The following RHPN2 variants were observed in gnomAD, a reference collection of about 807,000 sequenced individuals.
RHPN2 encodes the protein rhophilin Rho GTPase binding protein 2.
In RHPN2, 40 loss-of-function variants were observed where a neutral mutation model predicts 79.0. The ratio of observed to expected loss-of-function variants is 0.51; its 90% CI spans 0.39 to 0.66. The LOEUF is 0.66. Ranked by LOEUF, RHPN2 falls within the 30% of genes least tolerant of loss-of-function variation. The pLI is 0.00. For missense variants in RHPN2, 686 were observed against 883.5 expected (o/e 0.78, Z 2.83); for synonymous variants, 285 against 363.5 (o/e 0.78, Z 2.46).
At chr19:33,010,385 GTTT>G (rs34076809) in intron 6 of RHPN2, among the ~76,000 whole-genome samples, 2 of 140,574 alleles carry the variant, frequency 1.4e-5, no homozygotes, top group Non-Finnish European at 3.1e-5. Context: ...TTTTTAGGTT[GTTT>G]TTTTTTTTTT....
At chr19:33,011,640 A>G (rs769765519) in intron 6 of RHPN2, 39 bp downstream of exon 6, 3 of 1,613,654 alleles carry the variant, frequency 1.9e-6, no homozygotes, top group Non-Finnish European at 2.5e-6. Context: ...TGTGGCTGCC[A>G]TAACACGTGA....
intron 6 of RHPN2, among the ~76,000 whole-genome samples, chr19:33,010,842 C>G (rs1971829916): frequency 6.6e-6 from 1 of 152,016 alleles, no homozygotes; most frequent in African/African-American, 2.4e-5. Flanking sequence ...ACCATCATAC[C>G]CAGCAAATTT....
At chr19:33,046,857 C>T (rs1424182901) in intron 1 of RHPN2, among the ~76,000 whole-genome samples, 1 of 150,630 alleles carries the variant, frequency 6.6e-6, no homozygotes, top group African/African-American at 2.5e-5. Context: ...AGATCCTTTG[C>T]CCATTTTTTT....
At position 32,979,913 on chromosome 19, in the gene RHPN2, G is replaced by A. The variant is rs1971559283; in HGVS notation, c.*83C>T. On this transcript the variant is annotated 3_prime_UTR_variant, in exon 15 of 15. Coordinates refer to ENST00000254260, the MANE Select transcript of RHPN2 (RefSeq NM_033103.5). ...AACAGGATTTGAGAACAGATAGATAGATATTTTCCATTATGGCACAAACGT... is the reference window on the plus strand; with the variant it reads ...AACAGGATTTGAGAACAGATAGATAAATATTTTCCATTATGGCACAAACGT... 2 of 1,483,356 alleles carry A rather than the reference G, an allele frequency of 1.3e-6. No homozygotes were observed. The highest frequency in any genetic ancestry group is 1.4e-5 in the African/African-American group (1 of 72,018). 91.9% of individuals were successfully genotyped at this position (1,483,356 alleles called of 1,614,324 possible).
At chr19:33,012,041 T>TA (rs1263375129) in intron 5 of RHPN2, among the ~76,000 whole-genome samples, 1 of 146,998 alleles carries the variant, frequency 6.8e-6, no homozygotes, top group Admixed American at 6.8e-5. Context: ...TTTCCTTCTT[T>TA]TTTTTTTTTT....
chr19:32,990,167 G>GAA (rs1491437447), intron 14 of RHPN2, among the ~76,000 whole-genome samples: 7,686 of 144,804 alleles, frequency 0.053, 323 homozygotes, highest in African/African-American at 0.093. Context: ...GAAAGAAAGA[G>GAA]CGAGCCAGGG....
At chr19:33,050,721 C>T (rs1013739866) in intron 1 of RHPN2, among the ~76,000 whole-genome samples, 4 of 152,108 alleles carry the variant, frequency 2.6e-5, no homozygotes, top group Admixed American at 1.3e-4. Context: ...TCTTGTTGCC[C>T]GGGCTGGAGC....
intron 8 of RHPN2, among the ~76,000 whole-genome samples, 195 bp from the exon 9 acceptor site, chr19:33,002,598 A>G (rs1971758689): frequency 1.3e-5 from 2 of 152,166 alleles, no homozygotes; most frequent in South Asian, 4.1e-4. Context: ...TGCTGTCATT[A>G]TGCTGGTTTT....
chr19:33,058,914 T>C (rs1311811819), intron 1 of RHPN2, among the ~76,000 whole-genome samples: 1 of 152,020 alleles, frequency 6.6e-6, no homozygotes, highest in Non-Finnish European at 1.5e-5. Flanking sequence ...CTGACCAACA[T>C]GGTGAAACCC....
At chr19:33,047,699 T>G (rs906080794) in intron 1 of RHPN2, among the ~76,000 whole-genome samples, 5 of 152,140 alleles carry the variant, frequency 3.3e-5, no homozygotes, top group African/African-American at 1.2e-4. Context: ...GTGAGTTATC[T>G]ATAGCGGAAA....
chr19:33,044,482 T>C, intron 1 of RHPN2, 118 bp from the exon 2 acceptor site: 1 of 760,600 alleles, frequency 1.3e-6, no homozygotes, highest in Non-Finnish European at 2.3e-6. Flanking sequence ...ACAAAGCATC[T>C]ACATAGAAAA....
chr19:33,012,166 C>T (rs937332064), intron 5 of RHPN2, among the ~76,000 whole-genome samples: 4 of 151,862 alleles, frequency 2.6e-5, no homozygotes, highest in African/African-American at 9.7e-5. Context: ...CTCAGCCTCC[C>T]GAGTAGCTGG....
Position 32,996,044 on chromosome 19 carries a change from C to T in RHPN2, c.1402G>A (p.Asp468Asn), listed in dbSNP as rs148084786. ...QEEDDLLNLIDAPSVVAKTEQ... is the reference protein window; with the variant it reads ...QEEDDLLNLINAPSVVAKTEQ... ...TACTCACCAACAACACTGGGGGCGT[C>T]GATCAGGTTCAGCAGGTCATCCTCC... Residue 468 changes from aspartate to asparagine, a missense_variant, in exon 11 of 15, where the codon GAC becomes AAC. Physicochemically the swap from Asp to Asn is conservative, Grantham distance 23. Coordinates refer to ENST00000254260, the MANE Select transcript of RHPN2 (RefSeq NM_033103.5). 5.3e-5 allele frequency: 86 copies of T among 1,613,968 alleles called. No individual in the cohort carries two copies. In the African/African-American group the frequency reaches 1.0e-3, roughly 19 times the overall value.
chr19:33,008,266 T>C (rs1192113651), intron 6 of RHPN2, 86 bp from the exon 7 acceptor site: 6 of 1,313,880 alleles, frequency 4.6e-6, no homozygotes, highest in Non-Finnish European at 6.4e-6. Flanking sequence ...TTTTTTTTTT[T>C]TAAGAGTCAA....
At chr19:32,988,433 T>C (rs1971628685) in intron 14 of RHPN2, among the ~76,000 whole-genome samples, 1 of 152,036 alleles carries the variant, frequency 6.6e-6, no homozygotes, top group African/African-American at 2.4e-5. Context: ...GCCACCCCCA[T>C]CACCTCAGCC....
chr19:32,995,178 TTC>T (rs1366141804), intron 11 of RHPN2, among the ~76,000 whole-genome samples: 1 of 152,070 alleles, frequency 6.6e-6, no homozygotes, highest in Non-Finnish European at 1.5e-5. Context: ...ACTCAAATGA[TTC>T]TCCTGCCTCA....
chr19:33,037,174 C>G (rs529980079), intron 2 of RHPN2, among the ~76,000 whole-genome samples: 71 of 152,310 alleles, frequency 4.7e-4, no homozygotes, highest in Non-Finnish European at 7.3e-4. Flanking sequence ...AATCAGCACC[C>G]TGTGTCTAGC....
intron 1 of RHPN2, among the ~76,000 whole-genome samples, chr19:33,060,699 AT>A (rs1015076664): frequency 2.0e-5 from 3 of 152,090 alleles, no homozygotes; most frequent in African/African-American, 7.2e-5. Flanking sequence ...TGCCAGGCTG[AT>A]TTTTAAACTT....
chr19:33,043,984 G>C (rs915586799), intron 2 of RHPN2, among the ~76,000 whole-genome samples: 4 of 152,108 alleles, frequency 2.6e-5, no homozygotes, highest in African/African-American at 9.7e-5. Context: ...GACAAAAATT[G>C]GGCTTCCCAT....
Sources: allele counts gnomAD v4.1 joint callset (sites outside exome capture counted in the v4.1 genomes callset), GRCh38; gene constraint gnomAD v4.1.1; transcripts MANE v1.5; gene names NCBI Gene and HGNC (gene_info 2026-07-23, HGNC 2026-07-21).